The following L3HYPDH variants were observed in gnomAD, a reference collection of about 807,000 sequenced individuals.
The protein encoded by L3HYPDH is trans-3-hydroxy-L-proline dehydratase.
A neutral mutation model predicts 26.5 loss-of-function variants in L3HYPDH; 32 were observed. That is an observed-to-expected ratio of 1.21 (90% CI 0.91 to 1.62). The LOEUF is 1.62. L3HYPDH is among the 40% of genes most tolerant of loss of function. The pLI is 0.00. For missense variants in L3HYPDH, 554 were observed against 476.4 expected, an observed-to-expected ratio of 1.16 and a Z score of -1.52; for synonymous variants, 215 against 196.6, an observed-to-expected ratio of 1.09 and a Z score of -0.78.
chr14:59,480,023 C>T (rs1889902479), intron 1 of L3HYPDH, among the ~76,000 whole-genome samples: 1 of 152,110 alleles, frequency 6.6e-6, no homozygotes, highest in African/African-American at 2.4e-5. Context: ...TCTGTATTTC[C>T]AAAGAAAGGG....
intron 1 of L3HYPDH, among the ~76,000 whole-genome samples, chr14:59,465,712 C>A (rs1239742417): frequency 6.6e-6 from 1 of 152,028 alleles, no homozygotes; most frequent in African/African-American, 2.4e-5. Flanking sequence ...TTGGTATATA[C>A]AGGTAGGAAA....
chr14:59,486,988 G>A (rs943306124), upstream of L3HYPDH, among the ~76,000 whole-genome samples: 1 of 152,140 alleles, frequency 6.6e-6, no homozygotes, highest in Non-Finnish European at 1.5e-5. Flanking sequence ...ATCACTTGAG[G>A]TCAGGAGTTC....
At chr14:59,489,100 T>G (rs1371556036), upstream of L3HYPDH, among the ~76,000 whole-genome samples, 1 of 152,268 alleles carries the variant, frequency 6.6e-6, no homozygotes, top group Non-Finnish European at 1.5e-5. Context: ...CTGTACAGCC[T>G]GGTTGAATTC....
At chr14:59,503,772 A>T in the L3HYPDH span, 2 of 773,430 alleles carry the variant, frequency 2.6e-6, no homozygotes, top group Non-Finnish European at 4.1e-6. Flanking sequence ...AATACATTTT[A>T]TATTAAGTTA....
At position 59,479,215 on chromosome 14, in the gene L3HYPDH, T is replaced by G; in HGVS notation, c.645A>C (p.Ala215=). The part of the protein sequence containing the change: ...CSAKTRDLVD[A]ASAVTEAVKA... The stretch of plus-strand genomic sequence containing the variant: ...TCACTGCCTCTGTCACTGCACTCGC[T>G]GCATCCACAAGGTCCCTGGTCTTTG... The change falls in exon 2 of 5, where the codon GCA becomes GCC. Residue 215 remains alanine (A), a synonymous_variant. Coordinates refer to ENST00000247194, the MANE Select transcript of L3HYPDH (RefSeq NM_144581.2). The G allele has an allele frequency of 1.2e-6, 2 of 1,611,266 alleles. No individual in the cohort carries two copies. Among genetic ancestry groups the G allele is most frequent in the Non-Finnish European group, 1.7e-6 (2 of 1,179,464 alleles).
chr14:59,483,799 C>CTA lies in L3HYPDH; in HGVS notation c.508+9_508+10insTA. On this transcript the variant is annotated intron_variant, in intron 1 of 4. Coordinates refer to ENST00000247194, the MANE Select transcript of L3HYPDH (RefSeq NM_144581.2). ...GCTCTGCCCTGGGCTGGAAAGGTCCCGCCCATTACCTGTGGCCAGCACGAA... is the reference window on the plus strand; with the variant it reads ...GCTCTGCCCTGGGCTGGAAAGGTCCCTAGCCCATTACCTGTGGCCAGCACGAA... 6.3e-7 allele frequency: 1 copy of CTA among 1,591,332 alleles called. No individual in the cohort carries two copies. The highest frequency in any genetic ancestry group is 8.5e-7 in the Non-Finnish European group (1 of 1,176,292).
At position 59,475,616 on chromosome 14, in the gene L3HYPDH, T is replaced by C. The variant is rs111427330; in HGVS notation, c.939+253A>G. ...CTGTACACTCTTGAGAGAATGAGAG[T>C]GAAAAGCAAATAATGTCATTATTAT... On this transcript the variant is annotated intron_variant, in intron 4 of 4. Coordinates refer to ENST00000247194, the MANE Select transcript of L3HYPDH (RefSeq NM_144581.2). Among the ~76,000 whole-genome samples, 312 of 152,088 alleles carry C rather than the reference T, an allele frequency of 2.1e-3. 1 individual carries two copies. Among genetic ancestry groups the C allele is most frequent in the African/African-American group, 6.7e-3 (279 of 41,492 alleles).
At chr14:59,496,626 T>A in the L3HYPDH span, among the ~76,000 whole-genome samples, 1 of 152,180 alleles carries the variant, frequency 6.6e-6, no homozygotes, top group African/African-American at 2.4e-5. Flanking sequence ...TAGTCACTTC[T>A]AATTTATTGT....
chr14:59,488,759 C>T (rs1247469290), upstream of L3HYPDH, among the ~76,000 whole-genome samples: 3 of 152,218 alleles, frequency 2.0e-5, no homozygotes, highest in Admixed American at 1.3e-4. Context: ...TCTTTCCCTT[C>T]CTGCAAACTC....
At chr14:59,468,813 G>A (rs1289929566), downstream of L3HYPDH, among the ~76,000 whole-genome samples, 4 of 152,208 alleles carry the variant, frequency 2.6e-5, no homozygotes, top group African/African-American at 4.8e-5. Context: ...CACTTAAGGA[G>A]AGGCATTCTA....
rs764197021 is a variant in L3HYPDH, at chr14:59,484,308, G to T, written c.9C>A (p.Ser3Arg). The T allele has an allele frequency of 2.5e-5, 39 of 1,587,808 alleles. No individual in the cohort carries two copies. Among genetic ancestry groups the T allele is most frequent in the Non-Finnish European group, 3.2e-5 (38 of 1,174,434 alleles). Residue 3 changes from serine (S) to arginine (R), a missense_variant, in exon 1 of 5, where the codon AGC becomes AGA. Coordinates refer to ENST00000247194, the MANE Select transcript of L3HYPDH (RefSeq NM_144581.2). ...GGGGCAGCCGGGGCACCGCCAGCGC[G>T]CTCTCCATGGTCTGCGTCGGGGGAG... ME[S>R]ALAVPRLPPH...
intron 2 of L3HYPDH, among the ~76,000 whole-genome samples, chr14:59,477,507 A>G (rs1397922708): frequency 6.6e-6 from 1 of 152,148 alleles, no homozygotes; most frequent in African/African-American, 2.4e-5. Flanking sequence ...TTGAGTTCAA[A>G]CTCAAATGAG....
the L3HYPDH span, among the ~76,000 whole-genome samples, chr14:59,490,746 A>G: frequency 6.6e-6 from 1 of 152,214 alleles, no homozygotes; most frequent in Non-Finnish European, 1.5e-5. Context: ...TTTCTGTTAT[A>G]TTAATAGAAT....
rs563786489 is a variant in L3HYPDH, at chr14:59,479,910, T to C, written c.509-559A>G. Among the ~76,000 whole-genome samples, 14 of 152,364 alleles carry C rather than the reference T, an allele frequency of 9.2e-5. No homozygotes were observed. In the South Asian group the frequency reaches 2.5e-3, roughly 27 times the overall value. On this transcript the variant is annotated intron_variant, in intron 1 of 4. Coordinates refer to ENST00000247194, the MANE Select transcript of L3HYPDH (RefSeq NM_144581.2). Reference sequence around the variant, plus strand: ...ACAGAAAAATGCCATTGTAGAATCATTGACTGCTACAGCATCATTTTGCAC... The same window carrying C: ...ACAGAAAAATGCCATTGTAGAATCACTGACTGCTACAGCATCATTTTGCAC...
chr14:59,465,660 T>C (rs1889145910), intron 1 of L3HYPDH, among the ~76,000 whole-genome samples: 1 of 151,904 alleles, frequency 6.6e-6, no homozygotes, highest in African/African-American at 2.4e-5. Context: ...GCAGGCCTTT[T>C]GGGGAGTGGT....
upstream of L3HYPDH, chr14:59,485,339 C>CA (rs879454522): frequency 1.4e-4 from 57 of 407,236 alleles, no homozygotes; most frequent in Middle Eastern, 2.7e-3. Context: ...CAATTGGTTA[C>CA]AAAAAAAATA....
At position 59,475,993 on chromosome 14, in the gene L3HYPDH, G is replaced by A; in HGVS notation, c.815C>T (p.Pro272Leu). ...TCGGGCTGTCACTCCTGAGCCAGTG[G>A]GACTTCTGTCAACCTGTTTCAGAAT... ...VFADEQVDRS[P>L]TGSGVTARIA... The change falls in exon 4 of 5, where the codon CCC becomes CTC. Residue 272 changes from proline (P) to leucine (L), a missense_variant. Transcript: ENST00000247194. The A allele has an allele frequency of 1.2e-6, 2 of 1,613,886 alleles. No homozygotes were observed. Among genetic ancestry groups the A allele is most frequent in the Non-Finnish European group, 1.7e-6 (2 of 1,179,882 alleles).
chr14:59,471,846 T>TC (rs1466848121), downstream of L3HYPDH, among the ~76,000 whole-genome samples: 3 of 152,302 alleles, frequency 2.0e-5, no homozygotes, highest in Non-Finnish European at 4.4e-5. Context: ...TGTCATTTTT[T>TC]TTGAGATAAG....
In L3HYPDH at chr14:59,479,199, C is replaced by G; in HGVS notation, c.661G>C (p.Glu221Gln). 1 of 1,608,030 alleles carries G rather than the reference C, an allele frequency of 6.2e-7. No individual in the cohort carries two copies. The highest frequency in any genetic ancestry group is 1.1e-5 in the South Asian group (1 of 89,392). Reference protein sequence around the residue: ...DLVDAASAVTEAVKAQFKINH... With the variant: ...DLVDAASAVTQAVKAQFKINH... ...TTACTGACCTGAGCTTTCACTGCCT[C>G]TGTCACTGCACTCGCTGCATCCACA... The change falls in exon 2 of 5, where the codon GAG becomes CAG. Residue 221 changes from glutamate to glutamine, a missense_variant. Glu to Gln is a conservative substitution (Grantham distance 29). Transcript: ENST00000247194.
Sources: allele counts gnomAD v4.1 joint callset (sites outside exome capture counted in the v4.1 genomes callset), GRCh38; gene constraint gnomAD v4.1.1; transcripts MANE v1.5; gene names NCBI Gene and HGNC (gene_info 2026-07-23, HGNC 2026-07-21).